Variants in ADGB observed in about 807,000 individuals in gnomAD.
ADGB encodes calpain-7-like protein.
A neutral mutation model predicts 210.5 loss-of-function variants in ADGB; 172 were observed. The ratio of observed to expected loss-of-function variants is 0.82; its 90% confidence interval spans 0.72 to 0.93. ADGB has a LOEUF of 0.93. ADGB is among the 40% of genes least tolerant of loss of function. The pLI is 0.00. For missense variants in ADGB, 2,025 were observed against 1,964.8 expected (o/e 1.03, Z -0.58); for synonymous variants, 658 against 662.7 (o/e 0.99, Z 0.11).
intron 2 of ADGB, among the ~76,000 whole-genome samples, chr6:146,644,044 G>A (rs571584916): frequency 3.9e-5 from 6 of 151,922 alleles, no homozygotes; most frequent in African/African-American, 9.6e-5. Flanking sequence ...TATTAGGGAT[G>A]GAGTATGGGA....
chr6:146,786,105 T>C (rs1423707287), intron 32 of ADGB, among the ~76,000 whole-genome samples: 1 of 148,442 alleles, frequency 6.7e-6, no homozygotes, highest in East Asian at 1.9e-4. Context: ...AAGAAGTCAT[T>C]TTTAAGTATA....
At position 146,782,036 on chromosome 6, in the gene ADGB, C is replaced by G. The variant is rs377316632; in HGVS notation, c.3879C>G (p.His1293Gln). 1 of 1,495,848 alleles carries G rather than the reference C, an allele frequency of 6.7e-7. No individual in the cohort carries two copies. Among genetic ancestry groups the G allele is most frequent in the Non-Finnish European group, 8.9e-7 (1 of 1,127,664 alleles). The allele number at this position is 1,495,848 out of a possible 1,614,324, so 92.7% of individuals were successfully genotyped here. A position where few individuals can be genotyped will look rare whatever the true frequency, so the allele number is the denominator to read the frequency against. ...TCTCTCTAGCTTATGGTGAAAGACA[C>G]GAGGAGTTAATTAACTTAGGAAGCC... ...KSNTKAYGER[H>Q]EELINLGSPD... is the part of the protein sequence containing the mutation. The change falls in exon 30 of 36, where the codon CAC becomes CAG. Residue 1293 changes from histidine (H) to glutamine (Q), a missense_variant. By Grantham distance (24) the His-to-Gln change is conservative (BLOSUM62 0). Transcript: ENST00000397944.
chr6:146,767,858 C>G (rs536827401), intron 28 of ADGB, among the ~76,000 whole-genome samples: 1 of 145,692 alleles, frequency 6.9e-6, no homozygotes, highest in South Asian at 2.2e-4. Context: ...CCAGACAGCT[C>G]TAGCTCATGA....
chr6:146,813,073 C>T (rs1167931067), intron 35 of ADGB, among the ~76,000 whole-genome samples: 2 of 152,080 alleles, frequency 1.3e-5, no homozygotes, highest in African/African-American at 2.4e-5. Flanking sequence ...TGACCTGTCT[C>T]GCAGAAAATC....
chr6:146,676,126 A>G (rs1001856074), intron 8 of ADGB, among the ~76,000 whole-genome samples, 187 bp from the exon 9 acceptor site: 1 of 152,168 alleles, frequency 6.6e-6, no homozygotes, highest in Non-Finnish European at 1.5e-5. Context: ...TCAATTTTCA[A>G]AGTTCTCCCT....
At chr6:146,725,283 C>T (rs1353291277) in intron 18 of ADGB, 1 of 152,198 alleles carries the variant, frequency 6.6e-6, no homozygotes, top group Non-Finnish European at 1.5e-5. Flanking sequence ...TTTGAACATG[C>T]TCTAAATCTG....
At chr6:146,729,222 T>C (rs1487748898) in intron 20 of ADGB, among the ~76,000 whole-genome samples, 1 of 152,228 alleles carries the variant, frequency 6.6e-6, no homozygotes, top group Non-Finnish European at 1.5e-5. Flanking sequence ...AAGGCACATA[T>C]GGACCTGTCC....
In ADGB at chr6:146,740,465, G is replaced by A; in HGVS notation, c.2895G>A (p.Met965Ile). ...EQYAVSLLRL[M>I]FKSKCKSLES... The stretch of plus-strand genomic sequence containing the variant: ...TTTATTTTTATATTTCTAGACTAAT[G>A]TTTAAAAGCAAGTGCAAGTCTTTGG... The change falls in exon 24 of 36, where the codon ATG becomes ATA. Residue 965 changes from methionine (M) to isoleucine (I), a missense_variant. By Grantham distance (10) the Met-to-Ile change is conservative. Coordinates refer to ENST00000397944, the MANE Select transcript of ADGB (RefSeq NM_024694.4). 6 of 1,539,882 alleles carry A rather than the reference G, an allele frequency of 3.9e-6. No homozygotes were observed. Among genetic ancestry groups the A allele is most frequent in the Non-Finnish European group, 4.4e-6 (5 of 1,140,674 alleles).
intron 7 of ADGB, among the ~76,000 whole-genome samples, chr6:146,671,885 G>A (rs73571864): frequency 0.027 from 4,076 of 152,160 alleles, 153 homozygotes; most frequent in African/African-American, 0.091. Context: ...GATCATGCAT[G>A]CAAAAGTGTC....
At chr6:146,726,967 A>ATTC (rs1226344454) in intron 19 of ADGB, among the ~76,000 whole-genome samples, 1 of 151,872 alleles carries the variant, frequency 6.6e-6, no homozygotes, top group Non-Finnish European at 1.5e-5. Flanking sequence ...ATCTCTTCTC[A>ATTC]TTCTTCTTGG....
intron 23 of ADGB, among the ~76,000 whole-genome samples, chr6:146,737,173 T>C (rs544347427): frequency 4.6e-4 from 69 of 151,340 alleles, no homozygotes; most frequent in African/African-American, 1.7e-3. Flanking sequence ...AACATGACTG[T>C]TATGAAAATG....
chr6:146,698,469 CT>C (rs1468626110), intron 12 of ADGB, among the ~76,000 whole-genome samples: 1 of 152,096 alleles, frequency 6.6e-6, no homozygotes, highest in Admixed American at 6.6e-5. Flanking sequence ...TTAATTTACA[CT>C]TTTATTTATT....
intron 35 of ADGB, 65 bp from the exon 36 acceptor site, chr6:146,814,967 T>C: frequency 6.9e-7 from 1 of 1,449,240 alleles, no homozygotes. Context: ...TTTCATTTTT[T>C]TCTTTCTGGG....
At chr6:146,608,783 G>A (rs1164675745) in intron 1 of ADGB, among the ~76,000 whole-genome samples, 1 of 152,082 alleles carries the variant, frequency 6.6e-6, no homozygotes, top group African/African-American at 2.4e-5. Context: ...TTGCTTTGTT[G>A]TCAAAGACAT....
intron 12 of ADGB, among the ~76,000 whole-genome samples, chr6:146,696,078 T>C: frequency 7.0e-6 from 1 of 143,788 alleles, no homozygotes; most frequent in South Asian, 2.2e-4. Context: ...TAAGAAATAC[T>C]TTTTTTTTTT....
intron 21 of ADGB, 76 bp downstream of exon 21, chr6:146,733,331 G>T (rs551176073): frequency 8.8e-5 from 116 of 1,316,502 alleles, no homozygotes; most frequent in Admixed American, 1.2e-4. Flanking sequence ...AAATGTGTTT[G>T]TGGAGTAAGT....
At position 146,728,729 on chromosome 6, in the gene ADGB, A is replaced by G. The variant is rs1583609976; in HGVS notation, c.2508A>G (p.Ala836=). 2.6e-6 allele frequency: 4 copies of G among 1,548,858 alleles called. No individual in the cohort carries two copies. The highest frequency in any genetic ancestry group is 2.6e-6 in the Non-Finnish European group (3 of 1,145,068). The part of the protein sequence containing the change: ...PVPFHDKELT[A]QHFRVFHLSL... Reference sequence around the variant, plus strand: ...CCTTCCATGATAAAGAACTAACTGCACAGCACTTCAGGGTAAGCTTGTTTG... The same window carrying G: ...CCTTCCATGATAAAGAACTAACTGCGCAGCACTTCAGGGTAAGCTTGTTTG... Residue 836 remains alanine (A), a synonymous_variant, in exon 20 of 36, where the codon GCA becomes GCG. Transcript: ENST00000397944.
chr6:146,700,957 T>G lies in ADGB; in HGVS notation c.1594T>G (p.Leu532Val). 1 of 1,550,786 alleles carries G rather than the reference T, an allele frequency of 6.4e-7. No homozygotes were observed. The highest frequency in any genetic ancestry group is 1.7e-4 in the Middle Eastern group (1 of 5,984). The change falls in exon 13 of 36, where the codon TTA becomes GTA. Residue 532 changes from leucine (L) to valine (V), a missense_variant. Leu to Val is a conservative substitution (Grantham distance 32). Transcript: ENST00000397944. ...TCCTTTTAGGCATTTTGTGCGCTCC[T>G]TAATTAAGAAAGGAATACCTCCAGG... ...IPTEMHFVRS[L>V]IKKGIPPGSD...
At chr6:146,795,772 C>G (rs1778031867) in intron 33 of ADGB, among the ~76,000 whole-genome samples, 1 of 152,080 alleles carries the variant, frequency 6.6e-6, no homozygotes. Context: ...ACAAATCATT[C>G]TACCATAAAG....
Sources: gnomAD v4.1 joint callset for allele counts (sites outside exome capture counted in the v4.1 genomes callset) on GRCh38, gnomAD v4.1.1 for gene constraint, MANE v1.5 for transcripts, NCBI Gene and HGNC (gene_info 2026-07-23, HGNC 2026-07-21) for gene names.